The following SLC8A1 variants were observed in gnomAD, a reference collection of about 807,000 sequenced individuals.
SLC8A1 encodes the protein solute carrier family 8 member A1, also known as sodium/calcium exchanger 1.
A neutral mutation model predicts 68.3 loss-of-function variants in SLC8A1; 18 were observed. The observed-to-expected ratio is 0.26, with a 90% CI of 0.18 to 0.39. The LOEUF (loss-of-function observed/expected upper bound fraction) is 0.39, where lower values mean the gene tolerates loss of function less well. Ranked by LOEUF, SLC8A1 falls within the 10% of genes least tolerant of loss-of-function variation. The pLI, the probability that SLC8A1 is intolerant of heterozygous loss-of-function variation, is 1.00. For synonymous variants in SLC8A1, 475 were observed against 415.5 expected (o/e 1.14, Z -1.74); for missense variants, 985 against 1,156.7 (o/e 0.85, Z 2.15).
chr2:40,284,516 G>A (rs1035118539), intron 2 of SLC8A1, among the ~76,000 whole-genome samples: 2 of 142,052 alleles, frequency 1.4e-5, no homozygotes, highest in East Asian at 4.0e-4. Flanking sequence ...AATATATATA[G>A]ACAACAATAT....
chr2:40,378,128 T>C (rs1056666975), intron 2 of SLC8A1, among the ~76,000 whole-genome samples: 1 of 151,960 alleles, frequency 6.6e-6, no homozygotes, highest in African/African-American at 2.4e-5. Flanking sequence ...CTTTATAGAG[T>C]TTAAATTCTG....
chr2:40,472,147 A>G (rs761157642), intron 1 of SLC8A1, among the ~76,000 whole-genome samples: 33 of 152,210 alleles, frequency 2.2e-4, no homozygotes, highest in South Asian at 4.1e-4. Context: ...ATATAAGAAA[A>G]TGTCCACTTT....
intron 2 of SLC8A1, among the ~76,000 whole-genome samples, chr2:40,379,526 A>G (rs760106624): frequency 3.9e-5 from 6 of 152,004 alleles, no homozygotes; most frequent in Non-Finnish European, 8.8e-5. Context: ...TCCCCCATGA[A>G]CCCTCTGGTC....
In SLC8A1 at chr2:40,377,247, C is replaced by A. The variant is rs529369527; in HGVS notation, c.1808+51226G>T. On this transcript the variant is annotated intron_variant, in intron 2 of 7. Coordinates refer to ENST00000406785, the Ensembl canonical transcript of SLC8A1. The stretch of plus-strand genomic sequence containing the variant: ...CTCCAGTTGGCTTTGAATAAGCAAG[C>A]CACCATGAAGTCTATGGATTCGAGA... 1.1e-4 allele frequency among the ~76,000 whole-genome samples: 16 copies of A among 152,088 alleles called. No individual in the cohort carries two copies. The South Asian group carries it at 2.7e-3, about 26-fold the overall frequency.
At chr2:40,317,368 T>C (rs905577835) in intron 2 of SLC8A1, among the ~76,000 whole-genome samples, 4 of 152,080 alleles carry the variant, frequency 2.6e-5, no homozygotes, top group Non-Finnish European at 5.9e-5. Context: ...TTAGGGAAAA[T>C]AGTTGTTTTG....
intron 2 of SLC8A1, among the ~76,000 whole-genome samples, chr2:40,333,227 A>G (rs2076602098): frequency 6.6e-6 from 1 of 151,988 alleles, no homozygotes; most frequent in Non-Finnish European, 1.5e-5. Flanking sequence ...TCACGACGTC[A>G]GGAGATCGAG....
intron 1 of SLC8A1, among the ~76,000 whole-genome samples, chr2:40,495,802 T>G (rs1228500292): frequency 6.6e-6 from 1 of 152,008 alleles, no homozygotes; most frequent in Non-Finnish European, 1.5e-5. Context: ...AGTACTGTAG[T>G]TTTGCTTGCA....
intron 2 of SLC8A1, among the ~76,000 whole-genome samples, chr2:40,328,648 C>T (rs1473226109): frequency 6.6e-6 from 1 of 152,200 alleles, no homozygotes; most frequent in African/African-American, 2.4e-5. Context: ...TGAACTCTTT[C>T]TGTGGTCTCT....
chr2:40,482,458 T>C (rs6753166), intron 1 of SLC8A1, among the ~76,000 whole-genome samples: 150,351 of 152,272 alleles, frequency 0.99, 74,257 homozygotes, highest in East Asian at 1. Context: ...AGGGCTTCTC[T>C]GAGGGCCTGA....
In SLC8A1 at chr2:40,312,635, T is replaced by C. The variant is rs2073882751; in HGVS notation, c.1808+115838A>G. Reference sequence around the variant, plus strand: ...TTCATAAGTTTCTATAAGGATGGACTTCTGATTCTAAACCAATGGGTCACA... The same window carrying C: ...TTCATAAGTTTCTATAAGGATGGACCTCTGATTCTAAACCAATGGGTCACA... On this transcript the variant is annotated intron_variant, in intron 2 of 7. Transcript: ENST00000406785. Among the ~76,000 whole-genome samples the C allele has an allele frequency of 1.3e-5, 2 of 152,100 alleles. 1 individual carries two copies. The highest frequency in any genetic ancestry group is 1.3e-4 in the Admixed American group (2 of 15,254).
At chr2:40,429,846 A>C in exon 2 of SLC8A1, 1 of 1,613,704 alleles carries the variant, frequency 6.2e-7, no homozygotes, top group South Asian at 1.1e-5. Flanking sequence ...TCTCAGGAGC[A>C]GAAGATCCCA....
At chr2:40,203,958 C>G (rs376787866) in intron 2 of SLC8A1, among the ~76,000 whole-genome samples, 84 of 152,058 alleles carry the variant, frequency 5.5e-4, no homozygotes, top group African/African-American at 2.0e-3. Flanking sequence ...TCAAGTGATC[C>G]TCTAGCCTTG....
intron 2 of SLC8A1, among the ~76,000 whole-genome samples, chr2:40,308,333 C>A (rs2073045850): frequency 6.6e-6 from 1 of 152,126 alleles, no homozygotes; most frequent in Non-Finnish European, 1.5e-5. Flanking sequence ...ACTGGGTTAT[C>A]CTGGGCAAAA....
chr2:40,097,790 T>G (rs756785553), exon 8 of SLC8A1: 1 of 152,042 alleles, frequency 6.6e-6, no homozygotes, highest in Non-Finnish European at 1.5e-5. Context: ...AAAAATTGTT[T>G]TTCACAATTC....
intron 1 of SLC8A1, among the ~76,000 whole-genome samples, chr2:40,444,097 G>T (rs566103844): frequency 6.6e-6 from 1 of 152,280 alleles, no homozygotes; most frequent in African/African-American, 2.4e-5. Context: ...AGCACTTTGG[G>T]AGGCTGAGGA....
chr2:40,483,037 C>A (rs1364532989), intron 1 of SLC8A1, among the ~76,000 whole-genome samples: 23 of 150,982 alleles, frequency 1.5e-4, no homozygotes, highest in Admixed American at 1.5e-3. Context: ...ATCTCCTCAC[C>A]TCGTGATCCG....
chr2:40,389,269 T>C (rs1234244003), intron 2 of SLC8A1, among the ~76,000 whole-genome samples: 2 of 152,050 alleles, frequency 1.3e-5, no homozygotes, highest in African/African-American at 2.4e-5. Context: ...CCCTTTATAA[T>C]GTTGTGAATC....
intron 2 of SLC8A1, among the ~76,000 whole-genome samples, chr2:40,301,487 C>A (rs544962921): frequency 1.3e-5 from 2 of 152,052 alleles, no homozygotes; most frequent in East Asian, 3.9e-4. Flanking sequence ...GGAAGTAACT[C>A]AGGAATAGAA....
chr2:40,246,364 T>A (rs1385199950), intron 2 of SLC8A1, among the ~76,000 whole-genome samples: 1 of 152,248 alleles, frequency 6.6e-6, no homozygotes, highest in Non-Finnish European at 1.5e-5. Context: ...ATCATGCAAC[T>A]TTTGGCCAGA....
Sources: allele counts gnomAD v4.1 joint callset (sites outside exome capture counted in the v4.1 genomes callset), GRCh38; gene constraint gnomAD v4.1.1; transcripts MANE v1.5; gene names NCBI Gene and HGNC (gene_info 2026-07-23, HGNC 2026-07-21).